The following TRDN variants were observed in gnomAD, a reference collection of about 807,000 sequenced individuals.
TRDN encodes the protein triadin.
Under a neutral mutation model 149.7 loss-of-function variants are expected in TRDN, and 161 were observed. The ratio of observed to expected loss-of-function variants is 1.08; its 90% confidence interval spans 0.95 to 1.23. The LOEUF (loss-of-function observed/expected upper bound fraction) is 1.23. Among genes scored for constraint, TRDN ranks in the 50% most tolerant of loss-of-function variants. The pLI is 0.00. For missense variants in TRDN, 896 were observed against 823.5 expected (o/e 1.09, Z -1.08); for synonymous variants, 294 against 250.5 (o/e 1.17, Z -1.64).
chr6:123,636,531 T>C (rs900195167), intron 1 of TRDN, among the ~76,000 whole-genome samples: 6 of 151,852 alleles, frequency 4.0e-5, no homozygotes, highest in African/African-American at 1.4e-4. Context: ...CAGAGAACAG[T>C]TTCCACATGC....
At chr6:123,221,785 G>A (rs1459561851) in intron 39 of TRDN, among the ~76,000 whole-genome samples, 1 of 151,682 alleles carries the variant, frequency 6.6e-6, no homozygotes, top group African/African-American at 2.4e-5. Context: ...AACTGGCCCT[G>A]ATGTGTCAGA....
chr6:123,576,450 A>G (rs930827527), intron 1 of TRDN, among the ~76,000 whole-genome samples: 5 of 148,028 alleles, frequency 3.4e-5, no homozygotes, highest in Middle Eastern at 3.4e-3. Context: ...TGACATATGT[A>G]TGGTTTTTCT....
chr6:123,518,575 C>T (rs146374338), intron 5 of TRDN, among the ~76,000 whole-genome samples: 105 of 152,212 alleles, frequency 6.9e-4, no homozygotes, highest in African/African-American at 2.3e-3. Context: ...TTCAGATTGA[C>T]GTGTGCAAAG....
At chr6:123,582,825 T>G (rs983575269) in intron 1 of TRDN, among the ~76,000 whole-genome samples, 1 of 147,152 alleles carries the variant, frequency 6.8e-6, no homozygotes, top group East Asian at 2.1e-4. Flanking sequence ...TATGGAGAGA[T>G]AATGGGCGAT....
At chr6:123,547,008 G>A (rs1167421748) in intron 4 of TRDN, among the ~76,000 whole-genome samples, 3 of 152,024 alleles carry the variant, frequency 2.0e-5, no homozygotes, top group Non-Finnish European at 2.9e-5. Context: ...ATCTGACCAT[G>A]GTGAGAATAA....
chr6:123,635,502 C>T (rs1273493642), intron 1 of TRDN, among the ~76,000 whole-genome samples: 2 of 151,836 alleles, frequency 1.3e-5, no homozygotes, highest in Admixed American at 6.6e-5. Flanking sequence ...AGTAAACACA[C>T]ATAACGTTCT....
chr6:123,238,191 T>A (rs1775857153), intron 38 of TRDN, among the ~76,000 whole-genome samples: 1 of 152,104 alleles, frequency 6.6e-6, no homozygotes, highest in South Asian at 2.1e-4. Flanking sequence ...AAGTCAAAAA[T>A]GCAAAAGAAA....
chr6:123,275,204 C>T (rs773666598), intron 26 of TRDN, among the ~76,000 whole-genome samples: 1 of 151,976 alleles, frequency 6.6e-6, no homozygotes, highest in Non-Finnish European at 1.5e-5. Flanking sequence ...AGAATGTAAC[C>T]TTATTTGGAA....
intron 2 of TRDN, among the ~76,000 whole-genome samples, chr6:123,561,322 A>G (rs1781981854): frequency 6.6e-6 from 1 of 152,186 alleles, no homozygotes; most frequent in Admixed American, 6.5e-5. Flanking sequence ...ATGGTCTTTT[A>G]AAAACACACC....
chr6:123,328,665 G>A (rs576159439), intron 23 of TRDN, among the ~76,000 whole-genome samples: 6 of 152,176 alleles, frequency 3.9e-5, no homozygotes, highest in Admixed American at 2.0e-4. Context: ...TCCTAGATGA[G>A]GGGCTGAGTT....
At chr6:123,293,753 T>C (rs1367194034) in intron 24 of TRDN, among the ~76,000 whole-genome samples, 1 of 152,066 alleles carries the variant, frequency 6.6e-6, no homozygotes, top group East Asian at 1.9e-4. Flanking sequence ...CTGTAACCTT[T>C]AGGAACTCCC....
intron 4 of TRDN, among the ~76,000 whole-genome samples, chr6:123,534,426 A>T (rs1350637740): frequency 6.6e-6 from 1 of 152,074 alleles, no homozygotes; most frequent in Non-Finnish European, 1.5e-5. Flanking sequence ...CTGACTGTTG[A>T]TATCTGTTGT....
intron 24 of TRDN, among the ~76,000 whole-genome samples, chr6:123,301,846 T>C (rs986043755): frequency 2.7e-5 from 4 of 146,420 alleles, no homozygotes; most frequent in African/African-American, 1.0e-4. Context: ...ATAGAAATAC[T>C]GATTCAACTG....
intron 9 of TRDN, among the ~76,000 whole-genome samples, chr6:123,486,026 A>C (rs1050551486): frequency 1.1e-4 from 16 of 152,036 alleles, no homozygotes; most frequent in Non-Finnish European, 2.1e-4. Flanking sequence ...AATTAAGAAG[A>C]AGCTCCATTT....
intron 23 of TRDN, among the ~76,000 whole-genome samples, chr6:123,321,845 G>T (rs569886971): frequency 4.0e-5 from 6 of 151,024 alleles, no homozygotes; most frequent in Non-Finnish European, 7.4e-5. Context: ...AATGCTTTGT[G>T]GTCCGGATAA....
intron 22 of TRDN, among the ~76,000 whole-genome samples, chr6:123,334,189 C>A (rs981221408): frequency 6.6e-6 from 1 of 151,928 alleles, no homozygotes; most frequent in African/African-American, 2.4e-5. Context: ...ATGTTGAGGA[C>A]AAATGGAAGT....
intron 14 of TRDN, 131 bp from the exon 15 acceptor site, chr6:123,382,278 G>A: frequency 3.6e-6 from 2 of 562,882 alleles, no homozygotes; most frequent in Non-Finnish European, 5.7e-6. Context: ...TATATTTCTA[G>A]AATATGAGAC....
intron 8 of TRDN, 180 bp downstream of exon 8, chr6:123,503,539 T>G (rs1334086305): frequency 4.9e-6 from 7 of 1,423,584 alleles, no homozygotes; most frequent in Non-Finnish European, 4.6e-6. Context: ...TTTTAGTATT[T>G]TTATAAATAA....
chr6:123,621,556 AC>A (rs1785384293), intron 1 of TRDN, among the ~76,000 whole-genome samples: 1 of 152,166 alleles, frequency 6.6e-6, no homozygotes, highest in Non-Finnish European at 1.5e-5. Flanking sequence ...ATAAACAGTG[AC>A]TTTTATGCAA....
Sources: allele counts gnomAD v4.1 joint callset (sites outside exome capture counted in the v4.1 genomes callset), GRCh38; gene constraint gnomAD v4.1.1; transcripts MANE v1.5; gene names NCBI Gene and HGNC (gene_info 2026-07-23, HGNC 2026-07-21).